VWC2L: variants seen among roughly 807,000 people sequenced by gnomAD.
VWC2L encodes von Willebrand factor C domain-containing protein 2-like.
VWC2L carries 10 observed loss-of-function variants against 21.6 expected under a neutral mutation model. The observed-to-expected ratio is 0.46, with a 90% confidence interval of 0.29 to 0.78. The LOEUF (loss-of-function observed/expected upper bound fraction) is 0.78, where lower values mean the gene tolerates loss of function less well. Among genes scored for constraint, VWC2L ranks in the 30% least tolerant of loss-of-function variants. The probability of loss-of-function intolerance (pLI) is 0.10; values close to 1 mark genes in which losing one functional copy is unlikely to be tolerated. For missense variants in VWC2L, 209 were observed against 277.1 expected, an observed-to-expected ratio of 0.75 and a Z score of 1.74; for synonymous variants, 96 against 94.3, an observed-to-expected ratio of 1.02 and a Z score of -0.10.
At position 214,514,334 on chromosome 2, in the gene VWC2L, CT is replaced by C. The variant is rs374935724; in HGVS notation, c.521-61331del. Among the ~76,000 whole-genome samples, 727 of 152,020 alleles carry C rather than the reference CT, an allele frequency of 4.8e-3. 11 individuals carry two copies. The South Asian group carries it at 0.05, about 11-fold the overall frequency. ...AGCAATTTCTGATCTTTAGGTAACA[CT>C]TTTTTTCGTTCTTAACATAATTTTA... On this transcript the variant is annotated intron_variant, in intron 3 of 3. Coordinates refer to ENST00000312504, the MANE Select transcript of VWC2L (RefSeq NM_001080500.4).
At chr2:214,422,818 T>G (rs1702462734) in intron 2 of VWC2L, among the ~76,000 whole-genome samples, 1 of 152,142 alleles carries the variant, frequency 6.6e-6, no homozygotes, top group South Asian at 2.1e-4. Flanking sequence ...ATCATTCAGC[T>G]CCTGAAAAAG....
At chr2:214,554,566 G>GGCAGGAGAATCGCTTGAAC (rs1689846146) in intron 3 of VWC2L, among the ~76,000 whole-genome samples, 1 of 152,194 alleles carries the variant, frequency 6.6e-6, no homozygotes, top group Non-Finnish European at 1.5e-5. Flanking sequence ...AGGAGGCTGA[G>GGCAGGAGAATCGCTTGAAC]GCAGGAGAAT....
At chr2:214,540,485 C>T (rs1689609002) in intron 3 of VWC2L, among the ~76,000 whole-genome samples, 1 of 152,148 alleles carries the variant, frequency 6.6e-6, no homozygotes, top group Non-Finnish European at 1.5e-5. Context: ...CTAGCTTTTC[C>T]ATTAGATGTG....
At position 214,522,511 on chromosome 2, in the gene VWC2L, C is replaced by T. The variant is rs370475302; in HGVS notation, c.521-53161C>T. Among the ~76,000 whole-genome samples the T allele has an allele frequency of 1.6e-3, 248 of 151,514 alleles. 1 individual carries two copies. Among genetic ancestry groups the T allele is most frequent in the African/African-American group, 5.8e-3 (239 of 41,278 alleles). On this transcript the variant is annotated intron_variant, in intron 3 of 3. Transcript: ENST00000312504. Reference sequence around the variant, plus strand: ...ATGGGGTACAGGAGACATTGGGGTACAGAAGATGTTTCGTTACAGGCATAT... The same window carrying T: ...ATGGGGTACAGGAGACATTGGGGTATAGAAGATGTTTCGTTACAGGCATAT...
intron 3 of VWC2L, among the ~76,000 whole-genome samples, chr2:214,499,373 A>T (rs945541944): frequency 2.0e-5 from 3 of 152,112 alleles, no homozygotes; most frequent in Non-Finnish European, 4.4e-5. Flanking sequence ...CAAAGTTTGA[A>T]AAACTGCCAT....
intron 3 of VWC2L, among the ~76,000 whole-genome samples, chr2:214,515,181 C>T (rs954943000): frequency 2.0e-5 from 3 of 152,132 alleles, no homozygotes; most frequent in African/African-American, 4.8e-5. Flanking sequence ...GGTATGATTG[C>T]ATACTCCTTT....
intron 3 of VWC2L, among the ~76,000 whole-genome samples, chr2:214,459,739 C>T (rs1703111233): frequency 6.6e-6 from 1 of 151,926 alleles, no homozygotes; most frequent in Non-Finnish European, 1.5e-5. Context: ...GTATAGGATT[C>T]TTCATTGCTA....
At position 214,520,058 on chromosome 2, in the gene VWC2L, T is replaced by TACACACACACACACAC. The variant is rs60850327; in HGVS notation, c.521-55597_521-55582dup. On this transcript the variant is annotated intron_variant, in intron 3 of 3. Coordinates refer to ENST00000312504, the MANE Select transcript of VWC2L (RefSeq NM_001080500.4). ...ATTCTCAGAATATTTGCTCCTGTTA[T>TACACACACACACACAC]ACACACACACACACACACACACACA... Among the ~76,000 whole-genome samples, 643 of 143,230 alleles carry TACACACACACACACAC rather than the reference T, an allele frequency of 4.5e-3. 3 individuals are homozygous for TACACACACACACACAC. Among genetic ancestry groups the TACACACACACACACAC allele is most frequent in the Middle Eastern group, 0.011 (3 of 270 alleles). 94.0% of individuals were successfully genotyped at this position (143,230 alleles called of 152,430 possible).
At chr2:214,554,715 C>G (rs148625117) in intron 3 of VWC2L, among the ~76,000 whole-genome samples, 11 of 152,240 alleles carry the variant, frequency 7.2e-5, no homozygotes, top group African/African-American at 2.6e-4. Context: ...GCAAAAGTGA[C>G]AAGCACTCAC....
At chr2:214,543,761 AG>A (rs1000059801) in intron 3 of VWC2L, among the ~76,000 whole-genome samples, 9 of 152,260 alleles carry the variant, frequency 5.9e-5, no homozygotes, top group African/African-American at 2.2e-4. Context: ...GCCCTCTCAA[AG>A]CCAAACTGGT....
chr2:214,541,109 A>G (rs187470166), intron 3 of VWC2L, among the ~76,000 whole-genome samples: 600 of 152,288 alleles, frequency 3.9e-3, no homozygotes, highest in Non-Finnish European at 6.1e-3. Context: ...CTCCAGAGAT[A>G]ACTTTGGCAC....
chr2:214,557,161 G>A (rs943845410), intron 3 of VWC2L, among the ~76,000 whole-genome samples: 1 of 152,140 alleles, frequency 6.6e-6, no homozygotes, highest in Non-Finnish European at 1.5e-5. Flanking sequence ...CCGAGACTGG[G>A]TAATTTATAA....
chr2:214,484,558 G>T (rs773222838), intron 3 of VWC2L, among the ~76,000 whole-genome samples: 3 of 152,104 alleles, frequency 2.0e-5, no homozygotes, highest in Non-Finnish European at 4.4e-5. Flanking sequence ...TGATCATACG[G>T]CAGAACAATG....
In VWC2L at chr2:214,510,272, T is replaced by A. The variant is rs190414904; in HGVS notation, c.521-65400T>A. On this transcript the variant is annotated intron_variant, in intron 3 of 3. Coordinates refer to ENST00000312504, the MANE Select transcript of VWC2L (RefSeq NM_001080500.4). ...CAATTATGTTTGTACTTTTGTGGTC[T>A]CTGTGGCTGTGCTGAAATGTTTAGA... 2.0e-5 allele frequency: 3 copies of A among 152,330 alleles called. No homozygotes were observed. In the East Asian group the frequency reaches 5.8e-4, roughly 29 times the overall value. 9.4% of individuals were successfully genotyped at this position (152,330 alleles called of 1,614,324 possible). A position where few individuals can be genotyped will look rare whatever the true frequency, so the allele number is the denominator to read the frequency against.
At position 214,444,321 on chromosome 2, in the gene VWC2L, C is replaced by T. The variant is rs143450209; in HGVS notation, c.520+7563C>T. Among the ~76,000 whole-genome samples the T allele has an allele frequency of 9.4e-4, 143 of 152,052 alleles. 1 individual carries two copies. Among genetic ancestry groups the T allele is most frequent in the Admixed American group, 2.6e-3 (39 of 15,278 alleles). ...GATTGTTTTAAAAAGATCAATGACT[C>T]TATCTTTAAAATGGGCCAAAAACTT... On this transcript the variant is annotated intron_variant, in intron 3 of 3. Coordinates refer to ENST00000312504, the MANE Select transcript of VWC2L (RefSeq NM_001080500.4).
chr2:214,476,120 CTT>C (rs1449913369), intron 3 of VWC2L, among the ~76,000 whole-genome samples: 1 of 152,176 alleles, frequency 6.6e-6, no homozygotes, highest in Non-Finnish European at 1.5e-5. Flanking sequence ...TCCTTTCTCT[CTT>C]TGATTGTGTG....
intron 3 of VWC2L, among the ~76,000 whole-genome samples, chr2:214,564,291 C>T (rs1261208506): frequency 2.0e-5 from 3 of 152,172 alleles, no homozygotes; most frequent in Non-Finnish European, 4.4e-5. Context: ...CAACCATTAA[C>T]ATGCTTCACA....
chr2:214,537,901 C>CT (rs35664504), intron 3 of VWC2L, among the ~76,000 whole-genome samples: 40,178 of 135,402 alleles, frequency 0.3, 6,320 homozygotes, highest in East Asian at 0.46. Context: ...GGATAGTGGC[C>CT]TTTTTTTTTT....
chr2:214,480,077 T>A (rs1284911871), intron 3 of VWC2L, among the ~76,000 whole-genome samples: 1 of 152,178 alleles, frequency 6.6e-6, no homozygotes, highest in Non-Finnish European at 1.5e-5. Context: ...AGAGATTATT[T>A]AAAGTATATG....
Sources: gnomAD v4.1 joint callset for allele counts (sites outside exome capture counted in the v4.1 genomes callset) on GRCh38, gnomAD v4.1.1 for gene constraint, MANE v1.5 for transcripts, NCBI Gene and HGNC (gene_info 2026-07-23, HGNC 2026-07-21) for gene names.